SPIDR: variants seen among roughly 807,000 people sequenced by gnomAD.
SPIDR encodes DNA repair-scaffolding protein.
A neutral mutation model predicts 104.6 loss-of-function variants in SPIDR; 93 were observed. That is an observed-to-expected ratio of 0.89 (90% CI 0.75 to 1.06). The LOEUF (loss-of-function observed/expected upper bound fraction) is 1.06, where lower values mean the gene tolerates loss of function less well. SPIDR is among the 50% of genes least tolerant of loss of function. SPIDR has a pLI of 0.00. For missense variants in SPIDR, 1,154 were observed against 1,111.2 expected (o/e 1.04, Z -0.55); for synonymous variants, 431 against 416.9 (o/e 1.03, Z -0.41).
At chr8:47,490,513 T>A (rs1204253216) in intron 8 of SPIDR, among the ~76,000 whole-genome samples, 1 of 152,232 alleles carries the variant, frequency 6.6e-6, no homozygotes, top group Admixed American at 6.5e-5. Context: ...CCGAAAGGAT[T>A]ATGAATCATG....
chr8:47,591,593 G>A (rs2061019823), intron 8 of SPIDR, among the ~76,000 whole-genome samples: 1 of 152,074 alleles, frequency 6.6e-6, no homozygotes, highest in South Asian at 2.1e-4. Context: ...ATTAGTGAGG[G>A]CTGTGATGTT....
intron 10 of SPIDR, among the ~76,000 whole-genome samples, chr8:47,664,052 C>G (rs1382997518): frequency 6.6e-6 from 1 of 152,236 alleles, no homozygotes; most frequent in Non-Finnish European, 1.5e-5. Context: ...CCACGACCCA[C>G]TCCTCCACCA....
At position 47,484,597 on chromosome 8, in the gene SPIDR, T is replaced by C. The variant is rs550990824; in HGVS notation, c.1097+44055T>C. On this transcript the variant is annotated intron_variant, in intron 8 of 19. Coordinates refer to ENST00000297423, the MANE Select transcript of SPIDR (RefSeq NM_001080394.4). ...GAGGCTCAGTTACTGCAGATGGGTG[T>C]ATTTGGGGGAGATGGTCTCGTAGTT... Among the ~76,000 whole-genome samples the C allele has an allele frequency of 2.0e-5, 3 of 152,250 alleles. No individual in the cohort carries two copies. The East Asian group carries it at 5.8e-4, about 29-fold the overall frequency.
At chr8:47,462,232 C>A (rs111955932) in intron 8 of SPIDR, among the ~76,000 whole-genome samples, 1 of 152,056 alleles carries the variant, frequency 6.6e-6, no homozygotes, top group Non-Finnish European at 1.5e-5. Context: ...CGACTAGTAC[C>A]GAGGGTTGTC....
chr8:47,278,188 C>G (rs2154219675), intron 1 of SPIDR, among the ~76,000 whole-genome samples: 1 of 148,954 alleles, frequency 6.7e-6, no homozygotes, highest in East Asian at 2.0e-4. Flanking sequence ...GAGATAGGAT[C>G]TCACTCTGCC....
intron 14 of SPIDR, 65 bp downstream of exon 14, chr8:47,702,080 CTCTCTCTCTCTCTCTCTT>C (rs34156562): frequency 0.15 from 71,341 of 484,974 alleles, 9,674 homozygotes; most frequent in Middle Eastern, 0.25. Flanking sequence ...CTCTCTCTCT[CTCTCTCTCTCTCTCTCTT>C]ACACACACAC....
At chr8:47,487,091 G>A (rs2077765025) in intron 8 of SPIDR, among the ~76,000 whole-genome samples, 1 of 152,206 alleles carries the variant, frequency 6.6e-6, no homozygotes, top group Admixed American at 6.5e-5. Context: ...TCAGTGTGCT[G>A]TATTCAGGAG....
At chr8:47,507,534 C>G (rs1265472963) in intron 8 of SPIDR, among the ~76,000 whole-genome samples, 1 of 152,214 alleles carries the variant, frequency 6.6e-6, no homozygotes, top group East Asian at 1.9e-4. Flanking sequence ...CCCATGAGCC[C>G]TGGTGGGGGG....
chr8:47,615,718 A>C (rs1430605146), intron 10 of SPIDR, among the ~76,000 whole-genome samples: 1 of 152,092 alleles, frequency 6.6e-6, no homozygotes, highest in Non-Finnish European at 1.5e-5. Flanking sequence ...CGTATTGGCC[A>C]GGCTGGTGAG....
chr8:47,302,509 A>C (rs1196609536), intron 5 of SPIDR, among the ~76,000 whole-genome samples: 1 of 152,108 alleles, frequency 6.6e-6, no homozygotes, highest in African/African-American at 2.4e-5. Flanking sequence ...CCTTTGGAGG[A>C]GGAGAGGCAC....
chr8:47,372,621 G>A (rs572173937), intron 5 of SPIDR, among the ~76,000 whole-genome samples: 9 of 151,940 alleles, frequency 5.9e-5, no homozygotes, highest in East Asian at 5.8e-4. Context: ...GCGAGACTCC[G>A]TCTCAAAAAT....
chr8:47,283,497 CAG>C (rs1228051611), intron 2 of SPIDR, among the ~76,000 whole-genome samples: 1 of 152,098 alleles, frequency 6.6e-6, no homozygotes, highest in African/African-American at 2.4e-5. Flanking sequence ...AAATATGACA[CAG>C]AGACACAAGT....
At chr8:47,564,965 G>A (rs1044857648) in intron 8 of SPIDR, among the ~76,000 whole-genome samples, 4 of 151,862 alleles carry the variant, frequency 2.6e-5, no homozygotes, top group South Asian at 2.1e-4. Flanking sequence ...ATTCATTGAC[G>A]GCCAGGCACA....
chr8:47,572,865 CA>C (rs1350044693), intron 8 of SPIDR, among the ~76,000 whole-genome samples: 3 of 152,012 alleles, frequency 2.0e-5, no homozygotes, highest in Admixed American at 1.3e-4. Flanking sequence ...TCTCATGGAC[CA>C]GGGGCAGTGC....
chr8:47,268,195 T>C (rs1314987222), intron 1 of SPIDR, among the ~76,000 whole-genome samples: 2 of 152,234 alleles, frequency 1.3e-5, no homozygotes, highest in African/African-American at 4.8e-5. Context: ...ATTCCACTGA[T>C]CTCCATGTCT....
chr8:47,536,859 T>G (rs1262059869), intron 8 of SPIDR, among the ~76,000 whole-genome samples: 1 of 152,104 alleles, frequency 6.6e-6, no homozygotes, highest in African/African-American at 2.4e-5. Context: ...CTAAGAACTT[T>G]TAAAACTCAG....
At chr8:47,512,109 G>C in intron 8 of SPIDR, 1 of 514,142 alleles carries the variant, frequency 1.9e-6, no homozygotes. Context: ...TCACCACCAC[G>C]AACTCTCTCA....
chr8:47,337,892 G>A (rs2154271831), intron 5 of SPIDR, among the ~76,000 whole-genome samples: 1 of 152,236 alleles, frequency 6.6e-6, no homozygotes, highest in East Asian at 1.9e-4. Flanking sequence ...GTTTACTGTA[G>A]GTGTATAGGT....
At chr8:47,356,007 A>G (rs987573346) in intron 5 of SPIDR, among the ~76,000 whole-genome samples, 10 of 152,076 alleles carry the variant, frequency 6.6e-5, no homozygotes, top group Non-Finnish European at 1.3e-4. Context: ...TCTCTCCCCA[A>G]ATAGGCTGCA....
Sources: allele counts gnomAD v4.1 joint callset (sites outside exome capture counted in the v4.1 genomes callset), GRCh38; gene constraint gnomAD v4.1.1; transcripts MANE v1.5; gene names NCBI Gene and HGNC (gene_info 2026-07-23, HGNC 2026-07-21).